The following RBMS3 variants were observed in gnomAD, a reference collection of about 807,000 sequenced individuals.
The protein encoded by RBMS3 is RNA-binding motif, single-stranded-interacting protein 3.
In RBMS3, 27 loss-of-function variants were observed where a neutral mutation model predicts 66.8. The ratio of observed to expected loss-of-function variants is 0.40; its 90% CI spans 0.30 to 0.56. RBMS3 has a LOEUF of 0.56. Ranked by LOEUF, RBMS3 falls within the 20% of genes least tolerant of loss-of-function variation. The pLI, the probability that RBMS3 is intolerant of heterozygous loss-of-function variation, is 0.40. For synonymous variants in RBMS3, 188 were observed against 183.0 expected (o/e 1.03, Z -0.22); for missense variants, 513 against 549.5 (o/e 0.93, Z 0.66).
chr3:29,523,443 T>C (rs1024970645), intron 3 of RBMS3, among the ~76,000 whole-genome samples: 1 of 152,200 alleles, frequency 6.6e-6, no homozygotes, highest in African/African-American at 2.4e-5. Flanking sequence ...TGTTCATTTT[T>C]ATACTTTTTC....
intron 2 of RBMS3, among the ~76,000 whole-genome samples, chr3:29,449,717 C>T (rs566129368): frequency 6.8e-4 from 103 of 152,296 alleles, no homozygotes; most frequent in South Asian, 1.0e-3. Context: ...TTCGTTTTAA[C>T]GCTAAAAGAG....
chr3:29,584,793 T>C (rs146521916), intron 3 of RBMS3, among the ~76,000 whole-genome samples: 3 of 152,210 alleles, frequency 2.0e-5, no homozygotes, highest in East Asian at 3.9e-4. Context: ...TTCACCCTAT[T>C]TCATTGCCAG....
chr3:29,427,591 G>A (rs867796363), intron 1 of RBMS3, among the ~76,000 whole-genome samples: 7 of 152,200 alleles, frequency 4.6e-5, no homozygotes, highest in Non-Finnish European at 1.0e-4. Flanking sequence ...GCTAAATAAT[G>A]TATGATTTAA....
At chr3:29,623,811 A>G (rs1276729221) in intron 4 of RBMS3, among the ~76,000 whole-genome samples, 4 of 152,190 alleles carry the variant, frequency 2.6e-5, no homozygotes, top group Non-Finnish European at 5.9e-5. Context: ...ATAGATATCA[A>G]TAGACTAATA....
chr3:29,514,676 T>TATATATATATATATAC (rs2044547979), intron 3 of RBMS3, among the ~76,000 whole-genome samples: 1 of 144,272 alleles, frequency 6.9e-6, no homozygotes, highest in Non-Finnish European at 1.5e-5. Flanking sequence ...TATATATATA[T>TATATATATATATATAC]ATATGATAGG....
chr3:29,366,083 A>T (rs1419318253), intron 1 of RBMS3, among the ~76,000 whole-genome samples: 1 of 152,242 alleles, frequency 6.6e-6, no homozygotes, highest in East Asian at 1.9e-4. Flanking sequence ...CTTTAAAAAT[A>T]TTCCACACTG....
intron 6 of RBMS3, among the ~76,000 whole-genome samples, chr3:29,826,610 T>TCTCACAGGG (rs768868293): frequency 6.6e-5 from 10 of 152,110 alleles, no homozygotes; most frequent in Admixed American, 3.3e-4. Context: ...CTGAAATGGC[T>TCTCACAGGG]CTCACAGGGC....
At chr3:29,549,520 C>G (rs1165641235) in intron 3 of RBMS3, among the ~76,000 whole-genome samples, 1 of 151,622 alleles carries the variant, frequency 6.6e-6, no homozygotes, top group African/African-American at 2.4e-5. Context: ...CTGTCTCAGC[C>G]TCCCGAATAG....
chr3:29,615,328 C>T (rs2149140480), intron 4 of RBMS3: 1 of 152,250 alleles, frequency 6.6e-6, no homozygotes, highest in South Asian at 2.1e-4. Context: ...TTCAGGTCTC[C>T]TGTCTGTGAT....
chr3:29,845,165 T>C (rs1255183246), intron 6 of RBMS3, among the ~76,000 whole-genome samples: 1 of 152,240 alleles, frequency 6.6e-6, no homozygotes, highest in Non-Finnish European at 1.5e-5. Context: ...CTACAACATC[T>C]AAAATGCTTA....
At chr3:29,759,446 G>A (rs1344900533) in intron 5 of RBMS3, among the ~76,000 whole-genome samples, 1 of 152,088 alleles carries the variant, frequency 6.6e-6, no homozygotes, top group Non-Finnish European at 1.5e-5. Flanking sequence ...CTGTTCTGAG[G>A]GACGCAAGGG....
intron 6 of RBMS3, among the ~76,000 whole-genome samples, chr3:29,849,240 G>A (rs1439824546): frequency 1.3e-5 from 2 of 151,346 alleles, no homozygotes; most frequent in South Asian, 4.2e-4. Flanking sequence ...CCAATGTTGA[G>A]CGTAGTGGCT....
rs376372869 is a variant in RBMS3, at chr3:29,719,518, G to A, written c.400-20202G>A. ...AGATTTAAGAAATTCCAGGGTTCCT[G>A]CATGTTTATATTTATAGATCATCAC... is the stretch of plus-strand genomic sequence containing the variant. On this transcript the variant is annotated intron_variant, in intron 4 of 14. Transcript: ENST00000383767. Among the ~76,000 whole-genome samples, 232 of 152,186 alleles carry A rather than the reference G, an allele frequency of 1.5e-3. 11 individuals carry two copies. The South Asian group carries it at 0.047, about 31-fold the overall frequency.
At chr3:29,285,042 C>T (rs2032178990) in intron 1 of RBMS3, among the ~76,000 whole-genome samples, 1 of 150,172 alleles carries the variant, frequency 6.7e-6, no homozygotes, top group Admixed American at 6.6e-5. Flanking sequence ...GAATAATCAG[C>T]AAGTTTTAGA....
intron 3 of RBMS3, among the ~76,000 whole-genome samples, chr3:29,534,420 T>C (rs2148998846): frequency 6.6e-6 from 1 of 152,374 alleles, no homozygotes; most frequent in East Asian, 1.9e-4. Flanking sequence ...TTTACCTCAT[T>C]ATTTTAAGAG....
chr3:29,546,340 A>G (rs558492655), intron 3 of RBMS3, among the ~76,000 whole-genome samples: 70 of 152,306 alleles, frequency 4.6e-4, no homozygotes, highest in African/African-American at 1.6e-3. Context: ...TAGGTGGCAG[A>G]GCAGGATTCA....
intron 1 of RBMS3, among the ~76,000 whole-genome samples, chr3:29,401,138 G>A (rs993247871): frequency 6.6e-6 from 1 of 151,910 alleles, no homozygotes; most frequent in Non-Finnish European, 1.5e-5. Context: ...ATTCAATATC[G>A]ATTGAGGCTT....
rs76899200 is a variant in RBMS3, at chr3:29,604,862, C to T, written c.399+17657C>T. 6.8e-3 allele frequency among the ~76,000 whole-genome samples: 1,034 copies of T among 151,996 alleles called. 29 individuals are homozygous for T. The highest frequency in any genetic ancestry group is 0.055 in the Admixed American group (832 of 15,208). On this transcript the variant is annotated intron_variant, in intron 4 of 14. Transcript: ENST00000383767. ...ACTAGAAGAGTGGAAATTTGGTTGG[C>T]ATTTGTCTACCAGCATATCTTTTTA...
intron 3 of RBMS3, among the ~76,000 whole-genome samples, chr3:29,524,591 C>T (rs1245134631): frequency 1.3e-5 from 2 of 151,480 alleles, no homozygotes; most frequent in Admixed American, 1.3e-4. Context: ...CTGCGCCCAG[C>T]CAACTTTTGC....
Sources: gnomAD v4.1 joint callset for allele counts (sites outside exome capture counted in the v4.1 genomes callset) on GRCh38, gnomAD v4.1.1 for gene constraint, MANE v1.5 for transcripts, NCBI Gene and HGNC (gene_info 2026-07-23, HGNC 2026-07-21) for gene names.